The following GAN variants were observed in gnomAD, a reference collection of about 807,000 sequenced individuals.
GAN encodes gigaxonin, also known as epididymis secretory sperm binding protein.
A neutral mutation model predicts 71.3 loss-of-function variants in GAN; 48 were observed. The observed-to-expected ratio is 0.67, with a 90% CI of 0.53 to 0.86. The LOEUF (loss-of-function observed/expected upper bound fraction) is 0.86. Ranked by LOEUF, GAN falls within the 40% of genes least tolerant of loss-of-function variation. The pLI, the probability that GAN is intolerant of heterozygous loss-of-function variation, is 0.00. For missense variants in GAN, 928 were observed against 770.1 expected, an observed-to-expected ratio of 1.21 and a Z score of -2.43; for synonymous variants, 386 against 276.8, an observed-to-expected ratio of 1.39 and a Z score of -3.92.
In GAN at chr16:81,338,114, G is replaced by A. The variant is rs376826938; in HGVS notation, c.168-13469G>A. On this transcript the variant is annotated intron_variant, in intron 1 of 10. Coordinates refer to ENST00000648994, the MANE Select transcript of GAN (RefSeq NM_022041.4). The stretch of plus-strand genomic sequence containing the variant: ...ATGTCTTGCCCTAGAAACAGAAAAC[G>A]CGGAACAATGTGACATGCATAGTAT... Among the ~76,000 whole-genome samples, 225 of 152,256 alleles carry A rather than the reference G, an allele frequency of 1.5e-3. 3 individuals are homozygous for A. The South Asian group carries it at 0.022, about 15-fold the overall frequency.
At chr16:81,356,682 A>G (rs1597402681) in intron 3 of GAN, 103 bp from the exon 4 acceptor site, 1 of 837,328 alleles carries the variant, frequency 1.2e-6, no homozygotes, top group East Asian at 2.4e-5. Context: ...TAATAACCTG[A>G]GTGTTAACAG....
intron 1 of GAN, among the ~76,000 whole-genome samples, chr16:81,326,054 C>T (rs1157257485): frequency 2.0e-5 from 3 of 152,180 alleles, no homozygotes; most frequent in Non-Finnish European, 4.4e-5. Context: ...TAATCACTCC[C>T]TCCAGCAGAC....
chr16:81,347,107 C>T lies in GAN; in HGVS notation c.168-4476C>T, dbSNP rs111845163. Among the ~76,000 whole-genome samples, 31 of 152,254 alleles carry T rather than the reference C, an allele frequency of 2.0e-4. 1 individual carries two copies. Among genetic ancestry groups the T allele is most frequent in the South Asian group, 4.2e-4 (2 of 4,816 alleles). ...TGATGCATTTCAAAGCCAGATATTT[C>T]GGTATTTTATTCTTACACTGTTTTC... On this transcript the variant is annotated intron_variant, in intron 1 of 10. Transcript: ENST00000648994.
chr16:81,347,931 T>C (rs919007927), intron 1 of GAN, among the ~76,000 whole-genome samples: 1 of 152,140 alleles, frequency 6.6e-6, no homozygotes, highest in Admixed American at 6.5e-5. Context: ...TGGGGGGACA[T>C]TACTTTTTTT....
At chr16:81,374,626 G>T (rs1320833382) in intron 9 of GAN, among the ~76,000 whole-genome samples, 11 of 152,102 alleles carry the variant, frequency 7.2e-5, no homozygotes. Context: ...CATCATTATT[G>T]ATTTTCTTGC....
intron 1 of GAN, among the ~76,000 whole-genome samples, chr16:81,343,123 G>T (rs899876345): frequency 7.2e-5 from 11 of 152,300 alleles, no homozygotes; most frequent in African/African-American, 2.6e-4. Context: ...TTCTGAAATT[G>T]AGGCAATAAT....
chr16:81,366,460 G>A (rs1910860302), intron 9 of GAN, among the ~76,000 whole-genome samples: 1 of 152,094 alleles, frequency 6.6e-6, no homozygotes, highest in African/African-American at 2.4e-5. Context: ...GCAGTAATAT[G>A]TTTAAATCCT....
In GAN at chr16:81,365,331, G is replaced by A. The variant is rs774299994; in HGVS notation, c.1374-19G>A. On this transcript the variant is annotated intron_variant, in intron 8 of 10. Transcript: ENST00000648994. ...CATTGTACAGCTTGTGCCTGATAACGCTGTGTGTGGCCTTTCAGGTTTGGA... is the reference window on the plus strand; with the variant it reads ...CATTGTACAGCTTGTGCCTGATAACACTGTGTGTGGCCTTTCAGGTTTGGA... The A allele has an allele frequency of 9.9e-6, 16 of 1,613,808 alleles. No homozygotes were observed. The African/African-American group carries it at 1.2e-4, about 12-fold the overall frequency.
At chr16:81,331,917 C>T (rs1909590730) in intron 1 of GAN, among the ~76,000 whole-genome samples, 1 of 152,016 alleles carries the variant, frequency 6.6e-6, no homozygotes, top group Admixed American at 6.6e-5. Flanking sequence ...AATCCCAGCA[C>T]TTTGGGAGGT....
intron 1 of GAN, among the ~76,000 whole-genome samples, chr16:81,323,270 G>A (rs967038109): frequency 3.3e-5 from 5 of 152,080 alleles, no homozygotes; most frequent in South Asian, 2.1e-4. Flanking sequence ...TGTCTTGTGC[G>A]ACCAAAGCTA....
chr16:81,319,076 G>A (rs1475915373), intron 1 of GAN, among the ~76,000 whole-genome samples: 2 of 152,030 alleles, frequency 1.3e-5, no homozygotes, highest in Admixed American at 1.3e-4. Flanking sequence ...AGCACTTCGG[G>A]AGGCTGAGGC....
intron 1 of GAN, among the ~76,000 whole-genome samples, chr16:81,324,184 TA>T (rs1410871603): frequency 1.3e-5 from 2 of 152,206 alleles, no homozygotes; most frequent in African/African-American, 4.8e-5. Flanking sequence ...TGACTTTCTT[TA>T]AGTAGAGAAC....
chr16:81,322,013 C>A (rs1443331687), intron 1 of GAN, among the ~76,000 whole-genome samples: 1 of 152,154 alleles, frequency 6.6e-6, no homozygotes, highest in Non-Finnish European at 1.5e-5. Context: ...TACCAGAGTT[C>A]CTGATTCTGG....
intron 1 of GAN, among the ~76,000 whole-genome samples, chr16:81,325,074 C>T (rs1467323084): frequency 6.6e-6 from 1 of 152,164 alleles, no homozygotes; most frequent in Admixed American, 6.5e-5. Flanking sequence ...ACGGATGCTC[C>T]CAGGCATGCT....
At chr16:81,354,781 A>G (rs936291824) in intron 3 of GAN, 26 bp downstream of exon 3, 6 of 1,362,242 alleles carry the variant, frequency 4.4e-6, no homozygotes, top group Middle Eastern at 1.9e-4. Flanking sequence ...AACATGGTCA[A>G]ATTTGCCTTT....
chr16:81,375,298 G>C (rs1277530965), intron 9 of GAN, among the ~76,000 whole-genome samples: 2 of 144,624 alleles, frequency 1.4e-5, no homozygotes, highest in Admixed American at 1.4e-4. Context: ...AAAAAATTTA[G>C]AGACAGTCTT....
At chr16:81,328,572 G>T (rs574584238) in intron 1 of GAN, among the ~76,000 whole-genome samples, 2 of 151,370 alleles carry the variant, frequency 1.3e-5, no homozygotes, top group Non-Finnish European at 2.9e-5. Flanking sequence ...AAACAGATTT[G>T]TTATTTGTTG....
chr16:81,355,655 G>A (rs1910462418), intron 3 of GAN, among the ~76,000 whole-genome samples: 1 of 152,164 alleles, frequency 6.6e-6, no homozygotes, highest in Admixed American at 6.5e-5. Context: ...GAACCACCAT[G>A]CCCAGCCAGG....
intron 1 of GAN, 77 bp from the exon 2 acceptor site, chr16:81,351,506 T>C (rs1910298659): frequency 1.3e-6 from 1 of 753,318 alleles, no homozygotes; most frequent in Non-Finnish European, 2.4e-6. Flanking sequence ...TTATACGTTA[T>C]AGAGTTTTGA....
Sources: allele counts gnomAD v4.1 joint callset (sites outside exome capture counted in the v4.1 genomes callset), GRCh38; gene constraint gnomAD v4.1.1; transcripts MANE v1.5; gene names NCBI Gene and HGNC (gene_info 2026-07-23, HGNC 2026-07-21).